LRRK1: variants seen among roughly 807,000 people sequenced by gnomAD.
LRRK1 encodes the protein leucine-rich repeat serine/threonine-protein kinase 1.
LRRK1 carries 113 observed loss-of-function variants against 209.1 expected under a neutral mutation model. That is an observed-to-expected ratio of 0.54 (90% CI 0.46 to 0.63). The LOEUF (loss-of-function observed/expected upper bound fraction) is 0.63, where lower values mean the gene tolerates loss of function less well. Ranked by LOEUF, LRRK1 falls within the 30% of genes least tolerant of loss-of-function variation. The probability of loss-of-function intolerance (pLI) is 0.00; values close to 1 mark genes in which losing one functional copy is unlikely to be tolerated. For synonymous variants in LRRK1, 1,144 were observed against 1,099.7 expected (o/e 1.04, Z -0.80); for missense variants, 2,284 against 2,632.2 (o/e 0.87, Z 2.89).
chr15:100,983,986 A>G (rs370062995), intron 4 of LRRK1: 1 of 458,296 alleles, frequency 2.2e-6, no homozygotes, highest in Non-Finnish European at 4.1e-6. Context: ...GAGAAGTTTT[A>G]GATTTATGGA....
At chr15:100,950,570 C>T (rs1330250817) in intron 2 of LRRK1, among the ~76,000 whole-genome samples, 6 of 152,270 alleles carry the variant, frequency 3.9e-5, no homozygotes, top group African/African-American at 1.4e-4. Context: ...ATCTTTATGA[C>T]CTTGGATTAG....
intron 2 of LRRK1, among the ~76,000 whole-genome samples, chr15:100,973,354 T>G (rs1470325538): frequency 6.6e-6 from 1 of 152,162 alleles, no homozygotes; most frequent in East Asian, 1.9e-4. Context: ...TTCGTGGGGT[T>G]TTCTGGGCAG....
At chr15:100,984,413 G>C (rs1452840650) in intron 4 of LRRK1, among the ~76,000 whole-genome samples, 1 of 152,136 alleles carries the variant, frequency 6.6e-6, no homozygotes, top group African/African-American at 2.4e-5. Flanking sequence ...TGTCCATCAT[G>C]ACAGTATTAC....
intron 2 of LRRK1, among the ~76,000 whole-genome samples, chr15:100,931,751 C>T (rs8030786): frequency 0.019 from 2,913 of 152,310 alleles, 34 homozygotes; most frequent in Non-Finnish European, 0.029. Flanking sequence ...GCAACCTTCA[C>T]CAGCACCCAC....
In LRRK1 at chr15:101,073,012, A is replaced by G. The variant is rs1008100655; in HGVS notation, c.*4164A>G. On this transcript the variant is annotated 3_prime_UTR_variant, in exon 34 of 34. Coordinates refer to ENST00000388948, the MANE Select transcript of LRRK1 (RefSeq NM_024652.6). The stretch of plus-strand genomic sequence containing the variant: ...CCCCTGTCCTCCTGCTCTTTGGTCC[A>G]TGAGAAAGATCCACCTACAACCTCA... The G allele has an allele frequency of 2.2e-5, 4 of 179,422 alleles. No homozygotes were observed. The highest frequency in any genetic ancestry group is 1.4e-4 in the South Asian group (1 of 7,338). 11.1% of individuals were successfully genotyped at this position (179,422 alleles called of 1,614,324 possible).
At chr15:100,938,059 A>C (rs1238407295) in intron 2 of LRRK1, among the ~76,000 whole-genome samples, 2 of 148,424 alleles carry the variant, frequency 1.3e-5, no homozygotes, top group African/African-American at 5.0e-5. Flanking sequence ...GGGGTTCACC[A>C]TGTTGCCCAG....
At chr15:100,988,605 T>G in intron 4 of LRRK1, 29 bp from the exon 5 acceptor site, 2 of 1,612,304 alleles carry the variant, frequency 1.2e-6, no homozygotes, top group South Asian at 2.2e-5. Context: ...TCAGTGGCAC[T>G]TTCCCTTTGT....
At chr15:101,052,347 G>C (rs1028161204) in intron 24 of LRRK1, among the ~76,000 whole-genome samples, 4 of 152,096 alleles carry the variant, frequency 2.6e-5, no homozygotes, top group Non-Finnish European at 4.4e-5. Flanking sequence ...AAGCATTCAG[G>C]AAGGGGAGAG....
At chr15:101,008,122 G>A (rs182920230) in intron 6 of LRRK1, among the ~76,000 whole-genome samples, 6,536 of 120,952 alleles carry the variant, frequency 0.054, 215 homozygotes, top group Middle Eastern at 0.12. Flanking sequence ...CAGCCTGGGC[G>A]ACAGAGCGAG....
At chr15:100,979,903 G>A (rs1448530443) in intron 3 of LRRK1, among the ~76,000 whole-genome samples, 1 of 152,164 alleles carries the variant, frequency 6.6e-6, no homozygotes, top group African/African-American at 2.4e-5. Flanking sequence ...TTTATGAACA[G>A]CAAAAATAAA....
At chr15:101,061,407 C>G in intron 30 of LRRK1, 119 bp downstream of exon 30, 1 of 679,324 alleles carries the variant, frequency 1.5e-6, no homozygotes, top group Non-Finnish European at 2.6e-6. Flanking sequence ...TTCAGATAAC[C>G]CCCAGCGCAT....
rs769826948 is a variant in LRRK1, at chr15:101,051,896, C to G, written c.3625C>G (p.Pro1209Ala). The change falls in exon 24 of 34, where the codon CCG becomes GCG. Residue 1209 changes from proline (P) to alanine (A), a missense_variant. Coordinates refer to ENST00000388948, the MANE Select transcript of LRRK1 (RefSeq NM_024652.6). ...GGACTTCATCTCCTGCCCCAGACAC[C>G]CGGACCTCCCCGTGCCGCTGCAGGA... ...ERDFISCPRH[P>A]DLPVPLQELV... 6.2e-7 allele frequency: 1 copy of G among 1,614,036 alleles called. No individual in the cohort carries two copies.
At chr15:100,924,467 A>G (rs2042073387) in intron 1 of LRRK1, 44 bp from the exon 2 acceptor site, 1 of 607,300 alleles carries the variant, frequency 1.6e-6, no homozygotes, top group Non-Finnish European at 3.0e-6. Flanking sequence ...GGAGGAGGAC[A>G]GGAATTATAA....
intron 2 of LRRK1, among the ~76,000 whole-genome samples, chr15:100,952,384 T>C (rs899683992): frequency 6.6e-6 from 1 of 152,256 alleles, no homozygotes; most frequent in African/African-American, 2.4e-5. Context: ...TTATTACTTC[T>C]GGGTTGTGAG....
chr15:100,925,688 G>A (rs1210863885), intron 2 of LRRK1, among the ~76,000 whole-genome samples: 1 of 152,138 alleles, frequency 6.6e-6, no homozygotes, highest in Non-Finnish European at 1.5e-5. Context: ...TATGTACCAG[G>A]CACTACATGT....
intron 2 of LRRK1, among the ~76,000 whole-genome samples, chr15:100,953,962 CT>C (rs1392938665): frequency 1.3e-5 from 2 of 152,060 alleles, no homozygotes; most frequent in Admixed American, 1.3e-4. Flanking sequence ...GTCCCCCAGG[CT>C]GGAGGGCAGT....
rs2031115506 is a variant in LRRK1, at chr15:100,973,829, G to A, written c.123G>A (p.Pro41=). ...GTGCCGGGGACACGGGCGGCAAGCC[G>A]TCCACGCGGGGCGGTGACCCTGCAG... is the stretch of plus-strand genomic sequence containing the variant. The part of the protein sequence containing the change: ...LNGAGDTGGK[P]STRGGDPAAR... Residue 41 remains proline, a synonymous_variant, in exon 3 of 34, where the codon CCG becomes CCA. Transcript: ENST00000388948. 1 of 1,293,236 alleles carries A rather than the reference G, an allele frequency of 7.7e-7. No homozygotes were observed. Among genetic ancestry groups the A allele is most frequent in the South Asian group, 2.3e-5 (1 of 43,152 alleles). 80.1% of individuals were successfully genotyped at this position (1,293,236 alleles called of 1,614,324 possible). A position where few individuals can be genotyped will look rare whatever the true frequency, so the allele number is the denominator to read the frequency against.
rs748618009 is a variant in LRRK1 at position 101,068,783 on chromosome 15, G to C, written c.5983G>C (p.Asp1995His). The C allele has an allele frequency of 1.7e-5, 27 of 1,613,398 alleles. No homozygotes were observed. The highest frequency in any genetic ancestry group is 2.0e-5 in the Non-Finnish European group (24 of 1,179,836). The change falls in exon 34 of 34, where the codon GAC becomes CAC. Residue 1995 changes from aspartate (D) to histidine (H), a missense_variant. Physicochemically the swap from Asp to His is moderately conservative, Grantham distance 81. Coordinates refer to ENST00000388948, the MANE Select transcript of LRRK1 (RefSeq NM_024652.6). ...VWRGWGAREF[D>H]IFYQSYEELG... Reference sequence around the variant, plus strand: ...GAGGGGCTGGGGCGCCAGGGAGTTCGACATTTTCTACCAGTCCTACGAGGA... The same window carrying C: ...GAGGGGCTGGGGCGCCAGGGAGTTCCACATTTTCTACCAGTCCTACGAGGA...
chr15:100,971,395 C>T (rs1162931462), intron 2 of LRRK1, among the ~76,000 whole-genome samples: 1 of 151,472 alleles, frequency 6.6e-6, no homozygotes, highest in East Asian at 1.9e-4. Flanking sequence ...CAATCCAAAG[C>T]CTGTCTTATT....
Sources: allele counts gnomAD v4.1 joint callset (sites outside exome capture counted in the v4.1 genomes callset), GRCh38; gene constraint gnomAD v4.1.1; transcripts MANE v1.5; gene names NCBI Gene and HGNC (gene_info 2026-07-23, HGNC 2026-07-21).